Variants in ZCCHC14 observed in about 807,000 individuals in gnomAD.
ZCCHC14 encodes the protein zinc finger CCHC domain-containing protein 14.
ZCCHC14 carries 16 observed loss-of-function variants against 85.0 expected under a neutral mutation model. That is an observed-to-expected ratio of 0.19 (90% CI 0.13 to 0.29). The LOEUF is 0.29. ZCCHC14 is among the 10% of genes least tolerant of loss of function. The pLI is 1.00. For synonymous variants in ZCCHC14, 775 were observed against 630.7 expected (o/e 1.23, Z -3.43); for missense variants, 1,303 against 1,443.5 (o/e 0.90, Z 1.58).
chr16:87,485,424 G>A (rs956876713), intron 1 of ZCCHC14, among the ~76,000 whole-genome samples: 2 of 152,004 alleles, frequency 1.3e-5, no homozygotes, highest in Non-Finnish European at 2.9e-5. Context: ...CATCTACAGA[G>A]ACTGGAGAAA....
chr16:87,442,650 A>C (rs548722720), intron 2 of ZCCHC14, among the ~76,000 whole-genome samples: 1 of 152,366 alleles, frequency 6.6e-6, no homozygotes, highest in Admixed American at 6.5e-5. Context: ...AAGCCTATGC[A>C]TAAGAAGCTC....
chr16:87,446,890 T>G (rs1347508498), intron 2 of ZCCHC14, among the ~76,000 whole-genome samples: 1 of 152,098 alleles, frequency 6.6e-6, no homozygotes, highest in African/African-American at 2.4e-5. Context: ...TTTCACCATG[T>G]TGGCCACGCT....
Position 87,491,804 on chromosome 16 carries a change from GA to G in ZCCHC14, c.434del (p.Phe145SerfsTer20). 6.3e-7 allele frequency: 1 copy of G among 1,587,486 alleles called. No homozygotes were observed. Among genetic ancestry groups the G allele is most frequent in the East Asian group, 2.4e-5 (1 of 42,062 alleles). ...LFTMASNHPA[F>X]SFHQKQVLRQ... Reference sequence around the variant, plus strand: ...GCAGCACCTGCTTCTGGTGGAAGCTGAAGGCCGGGTGGTTGGAGGCCATGGT... The same window carrying G: ...GCAGCACCTGCTTCTGGTGGAAGCTGAGGCCGGGTGGTTGGAGGCCATGGT... On this transcript the variant is annotated frameshift_variant, in exon 1 of 13. Coordinates refer to ENST00000671377, the MANE Select transcript of ZCCHC14 (RefSeq NM_015144.3). LOFTEE classifies it high-confidence loss of function. This position sits in a 1 kb window ranked among gnomAD's most constrained non-coding sequence, Gnocchi z 5.9.
At chr16:87,463,308 G>A (rs868440672) in intron 1 of ZCCHC14, among the ~76,000 whole-genome samples, 1 of 152,082 alleles carries the variant, frequency 6.6e-6, no homozygotes, top group African/African-American at 2.4e-5. Flanking sequence ...CTTGAGCCCA[G>A]GAGTTTGAAG....
intron 9 of ZCCHC14, among the ~76,000 whole-genome samples, chr16:87,415,049 T>C (rs906489017): frequency 2.6e-5 from 4 of 152,128 alleles, no homozygotes; most frequent in South Asian, 2.1e-4. Context: ...ACCACTGCAC[T>C]CCAGCCTGGG....
In ZCCHC14 at chr16:87,419,805, G is replaced by A; in HGVS notation, c.1023C>T (p.Pro341=). The A allele has an allele frequency of 6.2e-7, 1 of 1,611,026 alleles. No homozygotes were observed. Among genetic ancestry groups the A allele is most frequent in the East Asian group, 2.2e-5 (1 of 44,804 alleles). Reference sequence around the variant, plus strand: ...CACTTGGACTCTGAAGCTGCTGTGGGGGAGAGGAAGTGCTGAGAAACCTCC... The same window carrying A: ...CACTTGGACTCTGAAGCTGCTGTGGAGGAGAGGAAGTGCTGAGAAACCTCC... ...HVRRFLSTSS[P]PQQLQSPSPG... is the part of the protein sequence containing the mutation. Residue 341 remains proline (P), a synonymous_variant, in exon 6 of 13, where the codon CCC becomes CCT. Coordinates refer to ENST00000671377, the MANE Select transcript of ZCCHC14 (RefSeq NM_015144.3).
chr16:87,488,265 C>G (rs898290037), intron 1 of ZCCHC14, among the ~76,000 whole-genome samples: 1 of 152,106 alleles, frequency 6.6e-6, no homozygotes, highest in Admixed American at 6.5e-5. Context: ...CTTTTATTTA[C>G]GTAAAATAGG....
At chr16:87,443,444 T>C (rs1028825497) in intron 2 of ZCCHC14, among the ~76,000 whole-genome samples, 5 of 152,198 alleles carry the variant, frequency 3.3e-5, no homozygotes, top group South Asian at 2.1e-4. Context: ...ATTTAAAAGA[T>C]GCTGACAGTG....
chr16:87,413,689 G>C (rs1006617608), intron 10 of ZCCHC14, among the ~76,000 whole-genome samples: 1 of 152,110 alleles, frequency 6.6e-6, no homozygotes, highest in Admixed American at 6.5e-5. Flanking sequence ...TCTGAGAGGG[G>C]AGGATGAAAA....
chr16:87,425,947 G>A (rs1909348574), intron 3 of ZCCHC14, among the ~76,000 whole-genome samples: 1 of 152,236 alleles, frequency 6.6e-6, no homozygotes, highest in South Asian at 2.1e-4. Context: ...TGTTGAAACA[G>A]ACAATCTGCT....
chr16:87,467,314 T>C (rs1050569553), intron 1 of ZCCHC14: 2 of 1,583,510 alleles, frequency 1.3e-6, no homozygotes, highest in Non-Finnish European at 8.7e-7. Context: ...AATGTAACAC[T>C]GCCCCAAGCG....
At chr16:87,474,095 A>T (rs1435935516) in intron 1 of ZCCHC14, 1 of 152,388 alleles carries the variant, frequency 6.6e-6, no homozygotes, top group African/African-American at 2.4e-5. Flanking sequence ...CTCCCACTGC[A>T]GCTATGACCA....
At chr16:87,448,564 C>T (rs540079228) in intron 2 of ZCCHC14, among the ~76,000 whole-genome samples, 1 of 152,236 alleles carries the variant, frequency 6.6e-6, no homozygotes, top group African/African-American at 2.4e-5. Context: ...TGCCCATTTG[C>T]GCCACTCACC....
intron 1 of ZCCHC14, chr16:87,471,311 AGTTT>A (rs1187939962): frequency 6.6e-6 from 1 of 152,260 alleles, no homozygotes. Flanking sequence ...GAAGACAGAC[AGTTT>A]AAGAGTGAAA....
chr16:87,427,052 GT>G, intron 3 of ZCCHC14, among the ~76,000 whole-genome samples: 1 of 152,268 alleles, frequency 6.6e-6, no homozygotes, highest in Non-Finnish European at 1.5e-5. Context: ...AGGGGAAGAT[GT>G]GGGGGAAGGA....
intron 1 of ZCCHC14, chr16:87,467,426 G>A (rs1245850737): frequency 6.2e-7 from 1 of 1,603,154 alleles, no homozygotes; most frequent in Non-Finnish European, 8.5e-7. Context: ...GAGCAAATAT[G>A]ATTGGTAATA....
chr16:87,461,383 G>A (rs762022443), intron 1 of ZCCHC14, among the ~76,000 whole-genome samples: 37 of 152,208 alleles, frequency 2.4e-4, no homozygotes, highest in Non-Finnish European at 5.1e-4. Flanking sequence ...AATGGCCAAT[G>A]CTGTAACTTC....
rs951112836 is a variant in ZCCHC14 at position 87,426,685 on chromosome 16, G to A, written c.769-2804C>T. On this transcript the variant is annotated intron_variant, in intron 3 of 12. Transcript: ENST00000671377. ...CAGGGCTCAGCCACACCCCTAAGGG[G>A]ACAGGCAGCCCAGGATCCCCCAGAC... Among the ~76,000 whole-genome samples the A allele has an allele frequency of 2.0e-5, 3 of 152,330 alleles. No homozygotes were observed. In the South Asian group the frequency reaches 6.2e-4, roughly 32 times the overall value.
intron 12 of ZCCHC14, 172 bp downstream of exon 12, chr16:87,411,344 C>T (rs1597395711): frequency 1.3e-6 from 2 of 1,496,662 alleles, no homozygotes; most frequent in East Asian, 4.5e-5. Flanking sequence ...GACCCAACAG[C>T]AGTCCTTCTG....
Sources: gnomAD v4.1 joint callset for allele counts (sites outside exome capture counted in the v4.1 genomes callset) on GRCh38, gnomAD v4.1.1 for gene constraint, Gnocchi (gnomAD v3.1) non-coding constraint, MANE v1.5 for transcripts, NCBI Gene and HGNC (gene_info 2026-07-23, HGNC 2026-07-21) for gene names.